Variants in ERAP1 observed in about 807,000 individuals in gnomAD.
The protein encoded by ERAP1 is endoplasmic reticulum aminopeptidase 1, also known as adipocyte-derived leucine aminopeptidase.
A neutral mutation model predicts 103.7 loss-of-function variants in ERAP1; 86 were observed. That is an observed-to-expected ratio of 0.83 (90% CI 0.70 to 0.99). The LOEUF (loss-of-function observed/expected upper bound fraction) is 0.99. Ranked by LOEUF, ERAP1 falls within the 50% of genes least tolerant of loss-of-function variation. The pLI, the probability that ERAP1 is intolerant of heterozygous loss-of-function variation, is 0.00. For synonymous variants in ERAP1, 398 were observed against 402.4 expected, an observed-to-expected ratio of 0.99 and a Z score of 0.13; for missense variants, 1,009 against 1,128.4, an observed-to-expected ratio of 0.89 and a Z score of 1.52.
the ERAP1 span, among the ~76,000 whole-genome samples, chr5:96,907,433 A>G: frequency 1.3e-5 from 2 of 152,212 alleles, no homozygotes; most frequent in Non-Finnish European, 2.9e-5. Context: ...CTTAATATAA[A>G]GTAGTTTTAA....
chr5:96,837,079 G>A, the ERAP1 span, among the ~76,000 whole-genome samples: 1 of 152,054 alleles, frequency 6.6e-6, no homozygotes, highest in East Asian at 1.9e-4. Flanking sequence ...GAGGAAGGAG[G>A]AACTTCTAAC....
At chr5:96,878,163 G>A in the ERAP1 span, among the ~76,000 whole-genome samples, 4 of 152,238 alleles carry the variant, frequency 2.6e-5, no homozygotes, top group Admixed American at 2.6e-4. Flanking sequence ...ATTTACAAAG[G>A]TAGTAAATTC....
chr5:96,777,099 T>G (rs568151944), intron 18 of ERAP1: 1 of 152,740 alleles, frequency 6.5e-6, no homozygotes, highest in African/African-American at 2.4e-5. Flanking sequence ...TATTGTTGTC[T>G]CAAGATAAAA....
intron 3 of ERAP1, 116 bp downstream of exon 3, chr5:96,800,746 A>T: frequency 9.1e-7 from 1 of 1,095,416 alleles, no homozygotes; most frequent in Non-Finnish European, 1.4e-6. Context: ...GTTAGTAACG[A>T]TCTGCCAGGC....
chr5:96,867,789 G>A, the ERAP1 span, among the ~76,000 whole-genome samples: 1 of 152,028 alleles, frequency 6.6e-6, no homozygotes, highest in Non-Finnish European at 1.5e-5. Flanking sequence ...AATACTCTAT[G>A]TGGGCTGGGT....
chr5:96,786,672 C>CCAAG (rs1776045898), intron 11 of ERAP1, 123 bp from the exon 12 acceptor site: 1 of 677,854 alleles, frequency 1.5e-6, no homozygotes, highest in African/African-American at 1.8e-5. Context: ...ACTGCTACAG[C>CCAAG]CAAGCTCTCA....
the ERAP1 span, among the ~76,000 whole-genome samples, chr5:96,893,670 CTGAAG>C: frequency 6.6e-5 from 10 of 152,328 alleles, no homozygotes; most frequent in South Asian, 2.1e-3. Flanking sequence ...CAGTCAAGTG[CTGAAG>C]CAGCAAACAG....
chr5:96,862,081 A>G, the ERAP1 span, among the ~76,000 whole-genome samples: 18 of 152,328 alleles, frequency 1.2e-4, no homozygotes, highest in African/African-American at 4.3e-4. Flanking sequence ...CCTGGGCTCA[A>G]GTGATCCTCT....
At chr5:96,810,203 C>A (rs949833342), upstream of ERAP1, among the ~76,000 whole-genome samples, 2 of 152,200 alleles carry the variant, frequency 1.3e-5, no homozygotes, top group Non-Finnish European at 2.9e-5. Flanking sequence ...GCAGCATTCA[C>A]TTCTAGTTTC....
At chr5:96,806,925 C>A (rs994843919) in intron 1 of ERAP1, among the ~76,000 whole-genome samples, 11 of 149,642 alleles carry the variant, frequency 7.4e-5, no homozygotes, top group Non-Finnish European at 1.3e-4. Context: ...AATTAAAAAT[C>A]CTCAGGCAAG....
the ERAP1 span, among the ~76,000 whole-genome samples, chr5:96,895,065 G>A: frequency 6.6e-6 from 1 of 152,038 alleles, no homozygotes; most frequent in Non-Finnish European, 1.5e-5. Context: ...CAAAAATGTG[G>A]TGGTGAGAAT....
chr5:96,908,386 G>A, the ERAP1 span, among the ~76,000 whole-genome samples: 7 of 152,274 alleles, frequency 4.6e-5, no homozygotes, highest in East Asian at 1.9e-4. Context: ...AGAAGAAAAC[G>A]TAGAGAAGGC....
At chr5:96,913,559 C>A in the ERAP1 span, 1 of 1,318,114 alleles carries the variant, frequency 7.6e-7, no homozygotes, top group Admixed American at 2.0e-5. Flanking sequence ...TAAATAATAC[C>A]ATTTGTATCC....
At chr5:96,790,398 A>G (rs1273796569) in intron 9 of ERAP1, 31 bp from the exon 10 acceptor site, 18 of 1,611,808 alleles carry the variant, frequency 1.1e-5, no homozygotes, top group Non-Finnish European at 1.5e-5. Flanking sequence ...CATCACTCTT[A>G]TTTCTATAGA....
chr5:96,858,473 A>G, the ERAP1 span, among the ~76,000 whole-genome samples: 1 of 152,210 alleles, frequency 6.6e-6, no homozygotes, highest in Non-Finnish European at 1.5e-5. Context: ...CTGGAATTAC[A>G]GGTGTGAGCC....
the ERAP1 span, chr5:96,912,892 GAT>G: frequency 1.0e-6 from 1 of 992,690 alleles, no homozygotes; most frequent in South Asian, 1.5e-5. Context: ...AAAGGCATAA[GAT>G]AATTGAATCA....
In ERAP1 at chr5:96,774,515, A is replaced by C; in HGVS notation, c.*1881T>G. ...GCAAAGAACAATTTTTTATTATCAA[A>C]AAGGTTTCTGCACATTGTTGTGGCA... On this transcript the variant is annotated 3_prime_UTR_variant, in exon 19 of 19. Coordinates refer to ENST00000443439, the MANE Select transcript of ERAP1 (RefSeq NM_001040458.3). The C allele has an allele frequency of 1.0e-6, 1 of 986,472 alleles. No homozygotes were observed. The highest frequency in any genetic ancestry group is 1.2e-6 in the Non-Finnish European group (1 of 829,838). 61.1% of individuals were successfully genotyped at this position (986,472 alleles called of 1,614,324 possible).
chr5:96,903,075 C>T, the ERAP1 span, among the ~76,000 whole-genome samples: 10 of 152,228 alleles, frequency 6.6e-5, no homozygotes, highest in Admixed American at 2.6e-4. Flanking sequence ...GCCAAATTCC[C>T]GTCATGCTAG....
intron 2 of ERAP1, 75 bp downstream of exon 2, chr5:96,803,328 A>T: frequency 6.8e-7 from 1 of 1,465,192 alleles, no homozygotes; most frequent in Non-Finnish European, 9.4e-7. Context: ...GAATTTTAAA[A>T]GACAATCAAT....
Sources: gnomAD v4.1 joint callset for allele counts (sites outside exome capture counted in the v4.1 genomes callset) on GRCh38, gnomAD v4.1.1 for gene constraint, MANE v1.5 for transcripts, NCBI Gene and HGNC (gene_info 2026-07-23, HGNC 2026-07-21) for gene names.